The following VTI1A variants were observed in gnomAD, a reference collection of about 807,000 sequenced individuals.
The protein encoded by VTI1A is vesicle transport through interaction with t-SNAREs 1A, also known as vesicle transport through interaction with t-SNAREs homolog 1A.
VTI1A carries 22 observed loss-of-function variants against 34.9 expected under a neutral mutation model. The ratio of observed to expected loss-of-function variants is 0.63; its 90% CI spans 0.45 to 0.90. VTI1A has a LOEUF of 0.90. Ranked by LOEUF, VTI1A falls within the 40% of genes least tolerant of loss-of-function variation. VTI1A has a pLI of 0.00. For missense variants in VTI1A, 268 were observed against 275.6 expected (o/e 0.97, Z 0.20); for synonymous variants, 87 against 97.3 (o/e 0.89, Z 0.62).
At chr10:112,776,414 G>A (rs533710934) in intron 7 of VTI1A, among the ~76,000 whole-genome samples, 1 of 152,270 alleles carries the variant, frequency 6.6e-6, no homozygotes, top group South Asian at 2.1e-4. Flanking sequence ...GGGGAGTGCA[G>A]AAACAGGCTC....
At chr10:112,629,169 T>A (rs1846036691) in intron 5 of VTI1A, among the ~76,000 whole-genome samples, 3 of 152,238 alleles carry the variant, frequency 2.0e-5, no homozygotes, top group African/African-American at 4.8e-5. Flanking sequence ...CTCAGACACT[T>A]GTCCAGCGCT....
At chr10:112,818,838 T>C (rs1399276502), downstream of VTI1A, 2 of 176,076 alleles carry the variant, frequency 1.1e-5, no homozygotes, top group African/African-American at 2.4e-5. Context: ...TCTGACTGAA[T>C]ATTTTTCCAC....
Position 112,669,001 on chromosome 10 carries a change from A to G in VTI1A, c.560+3A>G. On this transcript the variant is annotated splice_donor_region_variant and intron_variant, in intron 7 of 7. Transcript: ENST00000393077. ...ATTCTGACAGGGATGTTGCGAAGGT[A>G]AGAGCAAGGTAGGGACATATCTTTC... The G allele has an allele frequency of 2.5e-6, 4 of 1,612,208 alleles. No homozygotes were observed. The South Asian group carries it at 3.3e-5, about 13-fold the overall frequency.
intron 7 of VTI1A, among the ~76,000 whole-genome samples, chr10:112,705,306 T>A (rs145079159): frequency 6.6e-6 from 1 of 152,174 alleles, no homozygotes; most frequent in Non-Finnish European, 1.5e-5. Context: ...GCTTACAGAC[T>A]CTTTGGGAAG....
chr10:112,824,678 G>C, the VTI1A span: 1 of 152,286 alleles, frequency 6.6e-6, no homozygotes, highest in Non-Finnish European at 1.5e-5. Context: ...CCAGAGGCTG[G>C]CACCTTTCAT....
chr10:112,854,213 G>T, the VTI1A span, among the ~76,000 whole-genome samples: 1 of 152,204 alleles, frequency 6.6e-6, no homozygotes, highest in Non-Finnish European at 1.5e-5. Flanking sequence ...AGGCCTGCTG[G>T]CCACAAAGCC....
At chr10:112,498,233 T>A (rs2134145423) in intron 3 of VTI1A, among the ~76,000 whole-genome samples, 1 of 152,342 alleles carries the variant, frequency 6.6e-6, no homozygotes, top group East Asian at 1.9e-4. Flanking sequence ...TAGACCATAA[T>A]CTGCATTTTC....
intron 7 of VTI1A, among the ~76,000 whole-genome samples, chr10:112,795,431 C>CTTTTTTTTTTTTTTTT (rs35159993): frequency 1.0e-4 from 13 of 123,986 alleles, no homozygotes; most frequent in African/African-American, 3.1e-4. Context: ...CCCTATTACT[C>CTTTTTTTTTTTTTTTT]TTTTTTTTTT....
the VTI1A span, among the ~76,000 whole-genome samples, chr10:112,830,058 TCTC>T: frequency 6.6e-6 from 1 of 152,086 alleles, no homozygotes; most frequent in Non-Finnish European, 1.5e-5. Flanking sequence ...CCTAGTCCAT[TCTC>T]CTCCTCCCTG....
At chr10:112,715,200 A>G (rs1345522495) in intron 7 of VTI1A, among the ~76,000 whole-genome samples, 1 of 152,192 alleles carries the variant, frequency 6.6e-6, no homozygotes, top group Non-Finnish European at 1.5e-5. Flanking sequence ...CTAATCTTAC[A>G]AAATATGAAA....
At chr10:112,496,994 A>G (rs1849049623) in intron 3 of VTI1A, among the ~76,000 whole-genome samples, 1 of 151,656 alleles carries the variant, frequency 6.6e-6, no homozygotes, top group South Asian at 2.1e-4. Context: ...AGGGAAACAT[A>G]TGAGGACATG....
the VTI1A span, among the ~76,000 whole-genome samples, chr10:112,851,156 C>T: frequency 1.3e-5 from 2 of 152,194 alleles, no homozygotes; most frequent in African/African-American, 4.8e-5. Flanking sequence ...CAGATTGGAG[C>T]AGAACTTAAG....
At position 112,673,468 on chromosome 10, in the gene VTI1A, G is replaced by GCGCGCACACACACA. The variant is rs1554938762; in HGVS notation, c.560+4471_560+4472insGCGCACACACACAC. ...TTCACACACATGCGCGCGTGCGCGC[G>GCGCGCACACACACA]CACACACACACACACGCACTCAGAT... On this transcript the variant is annotated intron_variant, in intron 7 of 7. Transcript: ENST00000393077. Among the ~76,000 whole-genome samples, 143 of 151,666 alleles carry GCGCGCACACACACA rather than the reference G, an allele frequency of 9.4e-4. 1 individual carries two copies. The highest frequency in any genetic ancestry group is 3.4e-3 in the African/African-American group (140 of 41,442).
intron 7 of VTI1A, among the ~76,000 whole-genome samples, chr10:112,702,123 G>A (rs1037789823): frequency 1.3e-5 from 2 of 152,168 alleles, no homozygotes; most frequent in Non-Finnish European, 2.9e-5. Flanking sequence ...GCTGTGGGGT[G>A]CAGCAGTCCA....
At chr10:112,840,100 C>G in the VTI1A span, among the ~76,000 whole-genome samples, 2 of 152,054 alleles carry the variant, frequency 1.3e-5, no homozygotes, top group Non-Finnish European at 2.9e-5. Flanking sequence ...GGCCAGGAAA[C>G]CAACCCCTTA....
intron 3 of VTI1A, among the ~76,000 whole-genome samples, chr10:112,482,677 C>T (rs969375932): frequency 6.6e-5 from 10 of 152,106 alleles, no homozygotes; most frequent in East Asian, 1.9e-4. Flanking sequence ...ATTCAAAATG[C>T]GAACTGTATT....
At chr10:112,472,908 T>G (rs1485245928) in intron 3 of VTI1A, among the ~76,000 whole-genome samples, 1 of 152,100 alleles carries the variant, frequency 6.6e-6, no homozygotes, top group Non-Finnish European at 1.5e-5. Context: ...AAAATTACAT[T>G]TGTTGTTTGA....
intron 5 of VTI1A, among the ~76,000 whole-genome samples, chr10:112,644,106 C>A (rs1846684504): frequency 6.6e-6 from 1 of 152,108 alleles, no homozygotes; most frequent in South Asian, 2.1e-4. Flanking sequence ...TGTGCATCAC[C>A]CTCTCTGCAA....
At chr10:112,581,740 A>G (rs1843951457) in intron 5 of VTI1A, among the ~76,000 whole-genome samples, 2 of 152,160 alleles carry the variant, frequency 1.3e-5, no homozygotes, top group African/African-American at 2.4e-5. Context: ...GTCTTCATCA[A>G]TGGCAGAATT....
Sources: allele counts gnomAD v4.1 joint callset (sites outside exome capture counted in the v4.1 genomes callset), GRCh38; gene constraint gnomAD v4.1.1; transcripts MANE v1.5; gene names NCBI Gene and HGNC (gene_info 2026-07-23, HGNC 2026-07-21).